Variants in PIK3C2G observed in about 807,000 individuals in gnomAD.
The protein encoded by PIK3C2G is phosphatidylinositol-4-phosphate 3-kinase catalytic subunit type 2 gamma.
PIK3C2G carries 168 observed loss-of-function variants against 181.1 expected under a neutral mutation model. The observed-to-expected ratio is 0.93, with a 90% CI of 0.82 to 1.05. The LOEUF (loss-of-function observed/expected upper bound fraction) is 1.05. Ranked by LOEUF, PIK3C2G falls within the 50% of genes least tolerant of loss-of-function variation. The pLI, the probability that PIK3C2G is intolerant of heterozygous loss-of-function variation, is 0.00. For missense variants in PIK3C2G, 1,869 were observed against 1,732.8 expected (o/e 1.08, Z -1.40); for synonymous variants, 573 against 592.2 (o/e 0.97, Z 0.47).
At chr12:18,649,166 G>A (rs939015479), downstream of PIK3C2G, among the ~76,000 whole-genome samples, 19 of 151,924 alleles carry the variant, frequency 1.3e-4, no homozygotes, top group African/African-American at 4.6e-4. Context: ...TGAAACCTCA[G>A]CAACTCCTCC....
At chr12:18,437,190 G>A (rs1319179187) in intron 18 of PIK3C2G, among the ~76,000 whole-genome samples, 2 of 151,838 alleles carry the variant, frequency 1.3e-5, no homozygotes, top group African/African-American at 4.8e-5. Context: ...CTTTGTTCAT[G>A]AAAAGATTGC....
At chr12:18,713,286 T>C in the PIK3C2G span, among the ~76,000 whole-genome samples, 1 of 152,154 alleles carries the variant, frequency 6.6e-6, no homozygotes, top group African/African-American at 2.4e-5. Context: ...ACCTGCTCCA[T>C]AGTTGTAGCT....
intron 29 of PIK3C2G, among the ~76,000 whole-genome samples, chr12:18,591,028 T>C (rs1947049220): frequency 6.6e-6 from 1 of 151,986 alleles, no homozygotes; most frequent in Non-Finnish European, 1.5e-5. Flanking sequence ...GAAAAGTAAT[T>C]GACTAGTTGT....
rs746599962 is a variant in PIK3C2G at position 18,325,084 on chromosome 12, C to G, written c.1258C>G (p.Leu420Val). 2 of 1,556,962 alleles carry G rather than the reference C, an allele frequency of 1.3e-6. No individual in the cohort carries two copies. The highest frequency in any genetic ancestry group is 1.8e-6 in the Non-Finnish European group (2 of 1,131,156). The change falls in exon 8 of 33, where the codon CTA becomes GTA. Residue 420 changes from leucine (L) to valine (V), a missense_variant. By Grantham distance (32) the Leu-to-Val change is conservative. Coordinates refer to ENST00000538779, the MANE Select transcript of PIK3C2G (RefSeq NM_001288772.2). ...AAAATATGACTTCCACCTGAAATAC[C>G]TATTGAAAACCCAGGTATTGACTTT... Reference protein sequence around the residue: ...IRKYDFHLKYLLKTQENVYNI... With the variant: ...IRKYDFHLKYVLKTQENVYNI...
intron 2 of PIK3C2G, chr12:18,285,231 TAAAAG>T (rs1355011755): frequency 6.6e-6 from 1 of 152,090 alleles, no homozygotes; most frequent in East Asian, 1.9e-4. Flanking sequence ...TTAAATTCTT[TAAAAG>T]AAAATAAAAC....
intron 18 of PIK3C2G, among the ~76,000 whole-genome samples, chr12:18,451,870 T>C (rs1340944304): frequency 2.6e-5 from 4 of 152,160 alleles, no homozygotes; most frequent in Non-Finnish European, 2.9e-5. Flanking sequence ...TGATGGATTA[T>C]GTTGATTGAT....
At chr12:18,553,261 T>A (rs556203728) in intron 26 of PIK3C2G, among the ~76,000 whole-genome samples, 1 of 152,308 alleles carries the variant, frequency 6.6e-6, no homozygotes, top group African/African-American at 2.4e-5. Flanking sequence ...AGATTTATTT[T>A]TTTTGCTTTG....
At chr12:18,532,352 A>G (rs982990608) in intron 24 of PIK3C2G, among the ~76,000 whole-genome samples, 8 of 151,956 alleles carry the variant, frequency 5.3e-5, no homozygotes, top group Admixed American at 3.9e-4. Flanking sequence ...TCTCCTTATT[A>G]TTTTTCACAA....
At chr12:18,620,963 A>T in intron 31 of PIK3C2G, among the ~76,000 whole-genome samples, 1 of 152,102 alleles carries the variant, frequency 6.6e-6, no homozygotes, top group East Asian at 1.9e-4. Flanking sequence ...ATAGGTAGAA[A>T]ATGCTTATAT....
At chr12:18,701,692 C>G in the PIK3C2G span, 1 of 1,612,668 alleles carries the variant, frequency 6.2e-7, no homozygotes. Flanking sequence ...TCCACCTTAC[C>G]ACGCTTATCA....
chr12:18,362,782 T>C lies in PIK3C2G; in HGVS notation c.1644T>C (p.Phe548=). The change falls in exon 12 of 33, where the codon TTT becomes TTC. Residue 548 remains phenylalanine (F), a synonymous_variant. Coordinates refer to ENST00000538779, the MANE Select transcript of PIK3C2G (RefSeq NM_001288772.2). The stretch of plus-strand genomic sequence containing the variant: ...ATTTTAGCTACAAAGCGTTTTCTTT[T>C]ACCTGTTGGCTTACATATGCTGGAA... The part of the protein sequence containing the change: ...TWVHSYKAFS[F]TCWLTYAGKK... 2.6e-6 allele frequency: 4 copies of C among 1,522,268 alleles called. No individual in the cohort carries two copies. Among genetic ancestry groups the C allele is most frequent in the Non-Finnish European group, 3.5e-6 (4 of 1,142,366 alleles). 94.3% of individuals were successfully genotyped at this position (1,522,268 alleles called of 1,614,324 possible).
the PIK3C2G span, chr12:18,684,140 G>A: frequency 1.2e-6 from 2 of 1,611,560 alleles, no homozygotes; most frequent in South Asian, 2.2e-5. Flanking sequence ...CTTTGTTCAT[G>A]CATAGAAGTG....
chr12:18,343,828 G>C (rs1939384662), intron 10 of PIK3C2G, among the ~76,000 whole-genome samples: 3 of 151,986 alleles, frequency 2.0e-5, no homozygotes, highest in Admixed American at 6.6e-5. Context: ...ATTTGGTTCT[G>C]GAATAATTAG....
the PIK3C2G span, chr12:18,712,975 T>G: frequency 1.9e-6 from 3 of 1,613,806 alleles, no homozygotes; most frequent in East Asian, 6.7e-5. Flanking sequence ...ACGGCATCCT[T>G]TCACAAGGGC....
chr12:18,434,805 A>G (rs183708932), intron 18 of PIK3C2G, among the ~76,000 whole-genome samples: 1 of 152,194 alleles, frequency 6.6e-6, no homozygotes, highest in South Asian at 2.1e-4. Context: ...ACCTTTCCAC[A>G]TATTAATTGG....
At chr12:18,460,016 C>T (rs904010432) in intron 18 of PIK3C2G, among the ~76,000 whole-genome samples, 2 of 152,190 alleles carry the variant, frequency 1.3e-5, no homozygotes, top group Non-Finnish European at 2.9e-5. Flanking sequence ...ATGCCCGCCT[C>T]GGCCTCCCAA....
At chr12:18,544,417 G>T (rs1007444591) in intron 25 of PIK3C2G, among the ~76,000 whole-genome samples, 1 of 151,794 alleles carries the variant, frequency 6.6e-6, no homozygotes, top group African/African-American at 2.4e-5. Context: ...CAGAGTTTAT[G>T]TAATTAAAGA....
chr12:18,371,119 A>C, intron 12 of PIK3C2G, 61 bp from the exon 13 acceptor site: 4 of 1,368,348 alleles, frequency 2.9e-6, no homozygotes, highest in Non-Finnish European at 4.0e-6. Context: ...TTATAAGAAC[A>C]TTTTCATTAA....
At chr12:18,334,755 T>A (rs1341199070) in intron 8 of PIK3C2G, among the ~76,000 whole-genome samples, 1 of 152,106 alleles carries the variant, frequency 6.6e-6, no homozygotes, top group Admixed American at 6.6e-5. Context: ...CTGCTGCATT[T>A]TGTGTCTGCA....
Sources: gnomAD v4.1 joint callset for allele counts (sites outside exome capture counted in the v4.1 genomes callset) on GRCh38, gnomAD v4.1.1 for gene constraint, MANE v1.5 for transcripts, NCBI Gene and HGNC (gene_info 2026-07-23, HGNC 2026-07-21) for gene names.